The following MEX3C variants were observed in gnomAD, a reference collection of about 807,000 sequenced individuals.
MEX3C encodes the protein mex-3 RNA binding family member C, also known as RNA-binding E3 ubiquitin-protein ligase MEX3C.
In MEX3C, 15 loss-of-function variants were observed where a neutral mutation model predicts 35.5. The ratio of observed to expected loss-of-function variants is 0.42; its 90% CI spans 0.28 to 0.65. MEX3C has a LOEUF of 0.65. Ranked by LOEUF, MEX3C falls within the 30% of genes least tolerant of loss-of-function variation. The pLI is 0.20. For synonymous variants in MEX3C, 390 were observed against 352.8 expected (o/e 1.11, Z -1.18); for missense variants, 711 against 842.8 (o/e 0.84, Z 1.94).
At chr18:51,186,627 T>C (rs966281091) in intron 1 of MEX3C, among the ~76,000 whole-genome samples, 1 of 152,126 alleles carries the variant, frequency 6.6e-6, no homozygotes, top group Non-Finnish European at 1.5e-5. Context: ...CAGATATGCA[T>C]GTTAAGACTA....
intron 1 of MEX3C, among the ~76,000 whole-genome samples, chr18:51,181,319 C>A (rs1212395224): frequency 7.6e-6 from 1 of 132,210 alleles, no homozygotes; most frequent in Admixed American, 7.5e-5. Flanking sequence ...CACACACATA[C>A]ACGCATGCAC....
intron 1 of MEX3C, among the ~76,000 whole-genome samples, chr18:51,179,627 C>T (rs1192929840): frequency 3.3e-5 from 5 of 152,060 alleles, no homozygotes; most frequent in African/African-American, 1.2e-4. Context: ...TTCACATTTT[C>T]GGATTAGAAG....
At position 51,177,248 on chromosome 18, in the gene MEX3C, T is replaced by A. The variant is rs764207502; in HGVS notation, c.1083A>T (p.Val361=). The A allele has an allele frequency of 4.3e-6, 7 of 1,613,898 alleles. No individual in the cohort carries two copies. The highest frequency in any genetic ancestry group is 1.6e-4 in the Middle Eastern group (1 of 6,084). ...CAGGTTCCTTATCTCTGCTCGGAGT[T>A]ACTATGTAGGTGTGGGTCTGCTGCT... ...RIQQQTHTYI[V]TPSRDKEPVF... The change falls in exon 2 of 2, where the codon GTA becomes GTT. Residue 361 remains valine (V), a synonymous_variant. Transcript: ENST00000406189. The surrounding 1 kb of genome is among the most constrained non-coding windows in gnomAD (Gnocchi z 4.2).
At position 51,178,655 on chromosome 18, in the gene MEX3C, A is replaced by T. The variant is rs564851668; in HGVS notation, c.755-1079T>A. 2.6e-4 allele frequency among the ~76,000 whole-genome samples: 40 copies of T among 152,208 alleles called. 1 individual carries two copies. In the South Asian group the frequency reaches 8.3e-3, roughly 32 times the overall value. On this transcript the variant is annotated intron_variant, in intron 1 of 1. Coordinates refer to ENST00000406189, the MANE Select transcript of MEX3C (RefSeq NM_016626.5). ...AACCTGAGGTCAGGAGTTCAAGACCAGGCTGACTAACATGGTGAACATGGT... is the reference window on the plus strand; with the variant it reads ...AACCTGAGGTCAGGAGTTCAAGACCTGGCTGACTAACATGGTGAACATGGT...
At chr18:51,190,066 T>C (rs1912621872) in intron 1 of MEX3C, among the ~76,000 whole-genome samples, 1 of 152,172 alleles carries the variant, frequency 6.6e-6, no homozygotes, top group Admixed American at 6.5e-5. Flanking sequence ...ACTAATGCTA[T>C]CTTCTCAGAC....
chr18:51,185,067 A>G (rs1912509525), intron 1 of MEX3C, among the ~76,000 whole-genome samples: 1 of 152,146 alleles, frequency 6.6e-6, no homozygotes, highest in Admixed American at 6.5e-5. Context: ...GTTTTTACAT[A>G]TATTTGTTAT....
At chr18:51,178,750 C>T (rs991710489) in intron 1 of MEX3C, among the ~76,000 whole-genome samples, 2 of 151,454 alleles carry the variant, frequency 1.3e-5, no homozygotes, top group African/African-American at 4.9e-5. Context: ...ATCCCAGCTC[C>T]TTGAGAGGCT....
rs1476277843 is a variant in MEX3C at position 51,197,514 on chromosome 18, G to A, written c.-194C>T. Among the ~76,000 whole-genome samples, 3 of 150,100 alleles carry A rather than the reference G, an allele frequency of 2.0e-5. No individual in the cohort carries two copies. The highest frequency in any genetic ancestry group is 4.5e-5 in the Non-Finnish European group (3 of 67,074). On this transcript the variant is annotated 5_prime_UTR_variant, in exon 1 of 2. Coordinates refer to ENST00000406189, the MANE Select transcript of MEX3C (RefSeq NM_016626.5). ...CCGGAGAGGGCGGGGTGGAGGGGCA[G>A]GGGAAGGAGGCAGAGGTAGGTAACT...
intron 1 of MEX3C, among the ~76,000 whole-genome samples, chr18:51,186,315 T>C (rs573281650): frequency 1.7e-4 from 26 of 152,160 alleles, no homozygotes; most frequent in Non-Finnish European, 3.2e-4. Flanking sequence ...CAAAAGGAGA[T>C]GACTTTACTA....
intron 1 of MEX3C, among the ~76,000 whole-genome samples, chr18:51,188,186 T>C (rs187330852): frequency 2.0e-5 from 3 of 152,348 alleles, no homozygotes; most frequent in East Asian, 3.9e-4. Flanking sequence ...AACACCTTCA[T>C]TTATGTGATT....
rs1912275964 is a variant in MEX3C at position 51,175,325 on chromosome 18, T to C, written c.*1026A>G. On this transcript the variant is annotated 3_prime_UTR_variant, in exon 2 of 2. Transcript: ENST00000406189. The stretch of plus-strand genomic sequence containing the variant: ...GTGAAATGTACGAGTATATTTTAAA[T>C]AAATCTTTCCTTGTGATTGGAAATA... 1 of 152,630 alleles carries C rather than the reference T, an allele frequency of 6.6e-6. No individual in the cohort carries two copies. Among genetic ancestry groups the C allele is most frequent in the South Asian group, 2.1e-4 (1 of 4,832 alleles). The allele number at this position is 152,630 out of a possible 1,614,324, so 9.5% of individuals were successfully genotyped here.
At chr18:51,192,319 A>C (rs1250366928) in intron 1 of MEX3C, among the ~76,000 whole-genome samples, 1 of 152,190 alleles carries the variant, frequency 6.6e-6, no homozygotes, top group Non-Finnish European at 1.5e-5. Flanking sequence ...TTGCAAAAAC[A>C]ATTACAGTAA....
Position 51,176,074 on chromosome 18 carries a change from C to A in MEX3C, c.*277G>T, listed in dbSNP as rs562337419. 2 of 295,544 alleles carry A rather than the reference C, an allele frequency of 6.8e-6. No individual in the cohort carries two copies. Among genetic ancestry groups the A allele is most frequent in the South Asian group, 8.3e-5 (1 of 11,990 alleles). The allele number at this position is 295,544 out of a possible 1,614,324, so 18.3% of individuals were successfully genotyped here. A position where few individuals can be genotyped will look rare whatever the true frequency, so the allele number is the denominator to read the frequency against. On this transcript the variant is annotated 3_prime_UTR_variant, in exon 2 of 2. Coordinates refer to ENST00000406189, the MANE Select transcript of MEX3C (RefSeq NM_016626.5). ...ACAACCTATGATTATCTTCACTCAG[C>A]CAAGTTGAACTTCAGCTTTAGCAAT...
rs1912840017 is a variant in MEX3C, at chr18:51,197,347, G to A, written c.-27C>T. On this transcript the variant is annotated 5_prime_UTR_variant, in exon 1 of 2. Coordinates refer to ENST00000406189, the MANE Select transcript of MEX3C (RefSeq NM_016626.5). ...GCGGCGGCGCGCTGTCAATGGCGGCGGCGGCGGCCGGGTCAGGCGCGGCAG... is the reference window on the plus strand; with the variant it reads ...GCGGCGGCGCGCTGTCAATGGCGGCAGCGGCGGCCGGGTCAGGCGCGGCAG... 3.2e-6 allele frequency: 1 copy of A among 315,366 alleles called. No individual in the cohort carries two copies. The highest frequency in any genetic ancestry group is 4.6e-6 in the Non-Finnish European group (1 of 218,112). 19.5% of individuals were successfully genotyped at this position (315,366 alleles called of 1,614,324 possible).
At chr18:51,180,771 T>G (rs1393693973) in intron 1 of MEX3C, among the ~76,000 whole-genome samples, 2 of 152,160 alleles carry the variant, frequency 1.3e-5, no homozygotes, top group East Asian at 3.9e-4. Context: ...GCGTGAGCCA[T>G]CGTGCCTGGC....
chr18:51,177,060 G>A lies in MEX3C; in HGVS notation c.1271C>T (p.Ala424Val), dbSNP rs764461748. Reference protein sequence around the residue: ...VSFEGGTLGSAWLSSNPVPPS... With the variant: ...VSFEGGTLGSVWLSSNPVPPS... ...AGGAACAGGATTGGAGGAGAGCCAC[G>A]CAGAGCCAAGAGTGCCACCTTCAAA... The change falls in exon 2 of 2, where the codon GCG becomes GTG. Residue 424 changes from alanine to valine, a missense_variant. By Grantham distance (64) the Ala-to-Val change is moderately conservative. Around this residue, in one of 4 missense-constraint regions of MEX3C, gnomAD observed 187 missense variants for 201.7 expected, o/e 0.93. Transcript: ENST00000406189. The surrounding 1 kb of genome is among the most constrained non-coding windows in gnomAD (Gnocchi z 4.2). The A allele has an allele frequency of 9.3e-6, 15 of 1,613,864 alleles. No homozygotes were observed. Among genetic ancestry groups the A allele is most frequent in the Admixed American group, 3.3e-5 (2 of 60,000 alleles).
intron 1 of MEX3C, among the ~76,000 whole-genome samples, chr18:51,187,812 A>C (rs1774495735): frequency 6.6e-6 from 1 of 152,260 alleles, no homozygotes; most frequent in South Asian, 2.1e-4. Flanking sequence ...ATACAAAATA[A>C]GGTCCCTTTC....
chr18:51,177,091 C>T lies in MEX3C; in HGVS notation c.1240G>A (p.Val414Ile). Residue 414 changes from valine to isoleucine, a missense_variant, in exon 2 of 2, where the codon GTA (valine) becomes ATA (isoleucine). Coordinates refer to ENST00000406189, the MANE Select transcript of MEX3C (RefSeq NM_016626.5). The surrounding 1 kb of genome is among the most constrained non-coding windows in gnomAD (Gnocchi z 4.2). Reference sequence around the variant, plus strand: ...CCAAGAGTGCCACCTTCAAAGCTTACATCGGTACCATTGTAATGGAAATCA... The same window carrying T: ...CCAAGAGTGCCACCTTCAAAGCTTATATCGGTACCATTGTAATGGAAATCA... Reference protein sequence around the residue: ...ENDFHYNGTDVSFEGGTLGSA... With the variant: ...ENDFHYNGTDISFEGGTLGSA... 6.2e-7 allele frequency: 1 copy of T among 1,614,008 alleles called. No homozygotes were observed. The highest frequency in any genetic ancestry group is 8.5e-7 in the Non-Finnish European group (1 of 1,179,896).
At position 51,197,481 on chromosome 18, in the gene MEX3C, C is replaced by T. The variant is rs1313796895; in HGVS notation, c.-161G>A. 6.7e-6 allele frequency among the ~76,000 whole-genome samples: 1 copy of T among 150,090 alleles called. No homozygotes were observed. The highest frequency in any genetic ancestry group is 1.5e-5 in the Non-Finnish European group (1 of 67,302). On this transcript the variant is annotated 5_prime_UTR_variant, in exon 1 of 2. Coordinates refer to ENST00000406189, the MANE Select transcript of MEX3C (RefSeq NM_016626.5). ...CCCGGGCCGAGGAGCGCCAGGGCCG[C>T]CCGGAGACCGGAGAGGGCGGGGTGG... is the stretch of plus-strand genomic sequence containing the variant.
Sources: gnomAD v4.1 joint callset for allele counts (sites outside exome capture counted in the v4.1 genomes callset) on GRCh38, gnomAD v4.1.1 for gene constraint, gnomAD v4.1.1 regional missense constraint, Gnocchi (gnomAD v3.1) non-coding constraint, MANE v1.5 for transcripts, NCBI Gene and HGNC (gene_info 2026-07-23, HGNC 2026-07-21) for gene names.